The following SAMD5 variants were observed in gnomAD, a reference collection of about 807,000 sequenced individuals.
The protein encoded by SAMD5 is sterile alpha motif domain-containing protein 5.
A neutral mutation model predicts 11.3 loss-of-function variants in SAMD5; 13 were observed. The ratio of observed to expected loss-of-function variants is 1.15; its 90% CI spans 0.75 to 1.83. The LOEUF (loss-of-function observed/expected upper bound fraction) is 1.83. Among genes scored for constraint, SAMD5 ranks in the 40% most tolerant of loss-of-function variants. The pLI is 0.00. For synonymous variants in SAMD5, 129 were observed against 111.3 expected, an observed-to-expected ratio of 1.16 and a Z score of -1.00; for missense variants, 255 against 239.1, an observed-to-expected ratio of 1.07 and a Z score of -0.44.
chr6:147,527,378 G>A (rs916943618), intron 1 of SAMD5, among the ~76,000 whole-genome samples: 7 of 152,062 alleles, frequency 4.6e-5, no homozygotes, highest in Admixed American at 2.6e-4. Flanking sequence ...GAGCAAGGGC[G>A]GAGGTGCCAC....
the SAMD5 span, among the ~76,000 whole-genome samples, chr6:147,773,183 A>C: frequency 6.6e-6 from 1 of 152,144 alleles, no homozygotes; most frequent in African/African-American, 2.4e-5. Context: ...TGCATGTGGA[A>C]ATCTTGGGGT....
the SAMD5 span, among the ~76,000 whole-genome samples, chr6:147,804,886 T>G: frequency 6.6e-6 from 1 of 152,184 alleles, no homozygotes; most frequent in African/African-American, 2.4e-5. Context: ...AATGGCATAT[T>G]TGATTAGAGT....
chr6:147,587,448 G>T lies in SAMD5; in HGVS notation c.162+78061G>T, dbSNP rs79543239. Among the ~76,000 whole-genome samples the T allele has an allele frequency of 1.2e-4, 19 of 152,138 alleles. No individual in the cohort carries two copies. The East Asian group carries it at 3.5e-3, about 28-fold the overall frequency. ...GATAGGATTTCATCATGACAGCCAG[G>T]TTGGTCTCAAACTCCTGACCTCAAG... On this transcript the variant is annotated intron_variant, in intron 1 of 1. Transcript: ENST00000566741.
chr6:147,763,585 T>G, the SAMD5 span, among the ~76,000 whole-genome samples: 723 of 151,954 alleles, frequency 4.8e-3, 16 homozygotes, highest in East Asian at 0.073. Flanking sequence ...CATAGTGTTT[T>G]TTGCATTAAT....
At chr6:147,623,304 T>C (rs1363710683) in intron 1 of SAMD5, among the ~76,000 whole-genome samples, 3 of 152,234 alleles carry the variant, frequency 2.0e-5, no homozygotes, top group Admixed American at 6.5e-5. Flanking sequence ...CAGTAATTTC[T>C]CCCACATAGT....
chr6:147,804,337 C>T, the SAMD5 span, among the ~76,000 whole-genome samples: 1 of 151,952 alleles, frequency 6.6e-6, no homozygotes, highest in East Asian at 1.9e-4. Flanking sequence ...GTCTCGATCT[C>T]CTGACCTTGT....
chr6:147,817,803 A>AGCTAT, the SAMD5 span, among the ~76,000 whole-genome samples: 1 of 152,124 alleles, frequency 6.6e-6, no homozygotes, highest in African/African-American at 2.4e-5. Flanking sequence ...ACATAGCAAG[A>AGCTAT]GTGACAGGAG....
At chr6:147,612,758 C>A (rs1789805028) in intron 1 of SAMD5, among the ~76,000 whole-genome samples, 2 of 152,200 alleles carry the variant, frequency 1.3e-5, no homozygotes, top group African/African-American at 4.8e-5. Context: ...TCATTGTCTT[C>A]ATTTATAAAC....
intron 1 of SAMD5, among the ~76,000 whole-genome samples, chr6:147,638,437 T>A (rs1790263906): frequency 6.6e-6 from 1 of 152,224 alleles, no homozygotes; most frequent in Admixed American, 6.5e-5. Context: ...ATTTTCTCCA[T>A]CCATTCTGTG....
the SAMD5 span, among the ~76,000 whole-genome samples, chr6:147,848,036 A>G: frequency 6.6e-6 from 1 of 152,160 alleles, no homozygotes; most frequent in Non-Finnish European, 1.5e-5. Context: ...TCTCCATAAA[A>G]TTATTTTTCC....
At chr6:147,940,996 C>T in the SAMD5 span, among the ~76,000 whole-genome samples, 57 of 152,184 alleles carry the variant, frequency 3.7e-4, no homozygotes, top group South Asian at 1.2e-3. Flanking sequence ...TTCAATTATG[C>T]CATAACATGT....
chr6:147,922,978 A>C, the SAMD5 span, among the ~76,000 whole-genome samples: 1 of 151,754 alleles, frequency 6.6e-6, no homozygotes, highest in South Asian at 2.1e-4. Flanking sequence ...GCACCCCCTC[A>C]CTTCCCACTG....
chr6:147,903,178 A>G, the SAMD5 span, among the ~76,000 whole-genome samples: 1 of 152,324 alleles, frequency 6.6e-6, no homozygotes, highest in East Asian at 1.9e-4. Context: ...TAGTCATTTC[A>G]TTGCTAATTT....
chr6:147,930,853 T>A, the SAMD5 span, among the ~76,000 whole-genome samples: 1 of 152,224 alleles, frequency 6.6e-6, no homozygotes, highest in South Asian at 2.1e-4. Flanking sequence ...TTCTTCCACC[T>A]GCTTTGTTCT....
intron 1 of SAMD5, among the ~76,000 whole-genome samples, chr6:147,635,020 A>C (rs1306331816): frequency 6.6e-6 from 1 of 152,248 alleles, no homozygotes; most frequent in African/African-American, 2.4e-5. Context: ...AGACCAACAC[A>C]GGCAGTTTGA....
At chr6:147,512,252 C>T (rs1232187891) in intron 1 of SAMD5, among the ~76,000 whole-genome samples, 1 of 152,142 alleles carries the variant, frequency 6.6e-6, no homozygotes, top group African/African-American at 2.4e-5. Flanking sequence ...CACCGCACCC[C>T]GCCAGAATGT....
intron 1 of SAMD5, among the ~76,000 whole-genome samples, chr6:147,510,387 A>G (rs542146846): frequency 6.6e-6 from 1 of 152,344 alleles, no homozygotes; most frequent in Non-Finnish European, 1.5e-5. Flanking sequence ...AGTAGACAGC[A>G]CAGGTAACGC....
intron 1 of SAMD5, among the ~76,000 whole-genome samples, chr6:147,677,082 C>T (rs17077217): frequency 0.013 from 2,002 of 152,232 alleles, 33 homozygotes; most frequent in African/African-American, 0.046. Context: ...ATCTTCAGAG[C>T]TACCGACAAT....
intron 1 of SAMD5, among the ~76,000 whole-genome samples, chr6:147,660,137 C>G (rs779625733): frequency 6.6e-6 from 1 of 152,150 alleles, no homozygotes; most frequent in Non-Finnish European, 1.5e-5. Context: ...TCGGCCTGTC[C>G]TTATGATATG....
Sources: allele counts gnomAD v4.1 joint callset (sites outside exome capture counted in the v4.1 genomes callset), GRCh38; gene constraint gnomAD v4.1.1; transcripts MANE v1.5; gene names NCBI Gene and HGNC (gene_info 2026-07-23, HGNC 2026-07-21).